PAPPA: variants seen among roughly 807,000 people sequenced by gnomAD.
PAPPA encodes the protein pappalysin-1.
PAPPA carries 60 observed loss-of-function variants against 164.0 expected under a neutral mutation model. That is an observed-to-expected ratio of 0.37 (90% CI 0.30 to 0.45). The LOEUF (loss-of-function observed/expected upper bound fraction) is 0.45, where lower values mean the gene tolerates loss of function less well. Ranked by LOEUF, PAPPA falls within the 20% of genes least tolerant of loss-of-function variation. PAPPA has a pLI of 1.00. For synonymous variants in PAPPA, 875 were observed against 814.1 expected, an observed-to-expected ratio of 1.07 and a Z score of -1.27; for missense variants, 1,782 against 2,087.3, an observed-to-expected ratio of 0.85 and a Z score of 2.85.
At chr9:116,331,847 A>G (rs1180438599) in intron 11 of PAPPA, among the ~76,000 whole-genome samples, 2 of 152,294 alleles carry the variant, frequency 1.3e-5, no homozygotes, top group Middle Eastern at 3.4e-3. Flanking sequence ...CAAGGGCCAT[A>G]TCTTATTTAG....
intron 9 of PAPPA, among the ~76,000 whole-genome samples, chr9:116,281,710 C>G (rs1021468479): frequency 6.6e-6 from 1 of 152,108 alleles, no homozygotes; most frequent in Non-Finnish European, 1.5e-5. Context: ...CAACAGAGCC[C>G]CCAAATGTTT....
At position 116,347,876 on chromosome 9, in the gene PAPPA, G is replaced by T. The variant is rs1183700398; in HGVS notation, c.3964+667G>T. On this transcript the variant is annotated intron_variant, in intron 15 of 21. Coordinates refer to ENST00000328252, the MANE Select transcript of PAPPA (RefSeq NM_002581.5). The surrounding 1 kb of genome is among the most constrained non-coding windows in gnomAD (Gnocchi z 4.5). ...AGAAAAAAGTGAGTAGCTGGCCTGG[G>T]TGTCCTAGAATGCTGGGACTAGATG... is the stretch of plus-strand genomic sequence containing the variant. Among the ~76,000 whole-genome samples, 1 of 152,182 alleles carries T rather than the reference G, an allele frequency of 6.6e-6. No homozygotes were observed. The highest frequency in any genetic ancestry group is 2.4e-5 in the African/African-American group (1 of 41,450).
At chr9:116,333,782 A>T (rs1468302727) in intron 12 of PAPPA, among the ~76,000 whole-genome samples, 1 of 152,126 alleles carries the variant, frequency 6.6e-6, no homozygotes, top group Non-Finnish European at 1.5e-5. Context: ...TTTTTTCAGC[A>T]GAGTGGGGAA....
chr9:116,376,522 ACT>A (rs1846655875), intron 19 of PAPPA, among the ~76,000 whole-genome samples: 1 of 152,124 alleles, frequency 6.6e-6, no homozygotes, highest in Admixed American at 6.6e-5. Context: ...TGGGGAATTT[ACT>A]CTCTTATGAC....
intron 7 of PAPPA, among the ~76,000 whole-genome samples, chr9:116,237,061 C>T (rs1259134546): frequency 6.6e-6 from 1 of 152,214 alleles, no homozygotes; most frequent in Non-Finnish European, 1.5e-5. Flanking sequence ...ACAATCTCTG[C>T]TCTGTCTACT....
chr9:116,244,048 C>CA (rs1844767867), intron 7 of PAPPA, among the ~76,000 whole-genome samples: 1 of 152,126 alleles, frequency 6.6e-6, no homozygotes, highest in Non-Finnish European at 1.5e-5. Context: ...AGGCATTATC[C>CA]ACCTATGACT....
At chr9:116,323,553 A>AAG (rs137903021) in intron 10 of PAPPA, among the ~76,000 whole-genome samples, 230 of 151,712 alleles carry the variant, frequency 1.5e-3, no homozygotes, top group African/African-American at 5.0e-3. Context: ...AAAAGAAAGA[A>AAG]AGAGAGAGAG....
intron 1 of PAPPA, among the ~76,000 whole-genome samples, chr9:116,159,867 C>A (rs557407710): frequency 6.6e-6 from 1 of 152,320 alleles, no homozygotes; most frequent in Non-Finnish European, 1.5e-5. Flanking sequence ...GCTCACTGTG[C>A]AACAGGAAAG....
At chr9:116,234,450 A>G (rs940139748) in intron 6 of PAPPA, among the ~76,000 whole-genome samples, 3 of 152,116 alleles carry the variant, frequency 2.0e-5, no homozygotes, top group African/African-American at 7.2e-5. Context: ...TCTGTTGTTC[A>G]TGGTTCTAGA....
At chr9:116,179,693 G>T (rs1260352334) in intron 1 of PAPPA, among the ~76,000 whole-genome samples, 1 of 152,100 alleles carries the variant, frequency 6.6e-6, no homozygotes, top group Non-Finnish European at 1.5e-5. Flanking sequence ...GGTCATTTTG[G>T]TGGGTCTCCC....
chr9:116,155,173 T>C (rs980349983), intron 1 of PAPPA, among the ~76,000 whole-genome samples: 29 of 152,092 alleles, frequency 1.9e-4, no homozygotes, highest in Admixed American at 6.5e-5. Flanking sequence ...TCCTAGCTTT[T>C]AAAGCCCATT....
chr9:116,317,246 C>A (rs1045855928), intron 10 of PAPPA, among the ~76,000 whole-genome samples: 1 of 152,170 alleles, frequency 6.6e-6, no homozygotes, highest in Admixed American at 6.5e-5. Context: ...GTCAAGACTG[C>A]CATTAACCAC....
At chr9:116,177,453 G>A (rs552008961) in intron 1 of PAPPA, among the ~76,000 whole-genome samples, 2 of 152,272 alleles carry the variant, frequency 1.3e-5, no homozygotes, top group South Asian at 4.1e-4. Context: ...CTGGAAATAT[G>A]AGTGGTCAGT....
chr9:116,295,514 A>AT (rs1845494178), intron 9 of PAPPA, among the ~76,000 whole-genome samples: 1 of 143,346 alleles, frequency 7.0e-6, no homozygotes, highest in African/African-American at 2.5e-5. Context: ...AGATCGCACC[A>AT]TTGCATTCCA....
At chr9:116,165,707 G>A (rs960525184) in intron 1 of PAPPA, among the ~76,000 whole-genome samples, 2 of 152,056 alleles carry the variant, frequency 1.3e-5, no homozygotes, top group African/African-American at 4.8e-5. Context: ...AATGCACCTG[G>A]TTCTTTAATT....
chr9:116,213,636 G>C (rs770090012), intron 4 of PAPPA, among the ~76,000 whole-genome samples: 2 of 152,110 alleles, frequency 1.3e-5, no homozygotes, highest in East Asian at 1.9e-4. Context: ...GCTAGGAGCT[G>C]CCACTAGCTA....
intron 1 of PAPPA, among the ~76,000 whole-genome samples, chr9:116,176,915 C>T (rs1224753860): frequency 6.6e-6 from 1 of 151,260 alleles, no homozygotes; most frequent in Non-Finnish European, 1.5e-5. Context: ...ACTTCTCCAA[C>T]AGTATTAATG....
At chr9:116,356,423 A>AAAT (rs1846354626) in intron 17 of PAPPA, among the ~76,000 whole-genome samples, 1 of 152,244 alleles carries the variant, frequency 6.6e-6, no homozygotes, top group Admixed American at 6.5e-5. Context: ...GGGAATACAC[A>AAAT]AATGAACTAG....
intron 2 of PAPPA, among the ~76,000 whole-genome samples, chr9:116,192,103 C>G (rs775595682): frequency 6.6e-6 from 1 of 152,186 alleles, no homozygotes; most frequent in African/African-American, 2.4e-5. Flanking sequence ...TTGTCATTCT[C>G]TCTGCCTGCC....
Sources: allele counts gnomAD v4.1 joint callset (sites outside exome capture counted in the v4.1 genomes callset), GRCh38; gene constraint gnomAD v4.1.1; non-coding constraint Gnocchi (gnomAD v3.1); transcripts MANE v1.5; gene names NCBI Gene and HGNC (gene_info 2026-07-23, HGNC 2026-07-21).